Variants in FANK1 observed in about 807,000 individuals in gnomAD.
FANK1 encodes fibronectin type 3 and ankyrin repeat domains protein 1.
Under a neutral mutation model 45.3 loss-of-function variants are expected in FANK1, and 44 were observed. That is an observed-to-expected ratio of 0.97 (90% confidence interval 0.76 to 1.25). The LOEUF is 1.25. Among genes scored for constraint, FANK1 ranks in the 50% most tolerant of loss-of-function variants. The probability of loss-of-function intolerance (pLI) is 0.00; values close to 1 mark genes in which losing one functional copy is unlikely to be tolerated. For missense variants in FANK1, 391 were observed against 424.4 expected (o/e 0.92, Z 0.69); for synonymous variants, 149 against 152.5 (o/e 0.98, Z 0.17).
intron 1 of FANK1, among the ~76,000 whole-genome samples, chr10:125,974,066 A>G (rs1053616454): frequency 6.6e-6 from 1 of 152,248 alleles, no homozygotes; most frequent in Non-Finnish European, 1.5e-5. Flanking sequence ...GATACTTTGT[A>G]ACTTAATTAT....
chr10:126,009,304 A>C (rs201693504), intron 10 of FANK1, 38 bp downstream of exon 10: 9 of 1,614,120 alleles, frequency 5.6e-6, no homozygotes, highest in African/African-American at 2.7e-5. Flanking sequence ...GCTAATTTTT[A>C]GTCCTTCTAG....
chr10:125,923,830 C>A (rs545301589), intron 1 of FANK1, among the ~76,000 whole-genome samples: 96 of 152,062 alleles, frequency 6.3e-4, no homozygotes, highest in Non-Finnish European at 1.2e-3. Flanking sequence ...TCTTGGCCTG[C>A]AAGTTATGAC....
intron 1 of FANK1, among the ~76,000 whole-genome samples, chr10:125,974,501 A>G (rs1388554559): frequency 2.0e-5 from 3 of 152,242 alleles, no homozygotes; most frequent in Non-Finnish European, 2.9e-5. Flanking sequence ...CCCAGCCTGT[A>G]AGAAACTTAA....
intron 1 of FANK1, among the ~76,000 whole-genome samples, chr10:125,931,898 A>C (rs1947776569): frequency 6.6e-6 from 1 of 152,190 alleles, no homozygotes. Flanking sequence ...GTAAGAGATA[A>C]GGATCCAGCT....
At chr10:125,985,068 G>T (rs188538981) in intron 2 of FANK1, among the ~76,000 whole-genome samples, 1 of 151,808 alleles carries the variant, frequency 6.6e-6, no homozygotes, top group East Asian at 1.9e-4. Context: ...TTTGACAAGC[G>T]TGCTTGGTAA....
At chr10:125,933,390 C>T (rs558773465) in intron 1 of FANK1, among the ~76,000 whole-genome samples, 2 of 152,080 alleles carry the variant, frequency 1.3e-5, no homozygotes, top group South Asian at 4.2e-4. Context: ...GGGATTTATC[C>T]GTCTTTTCTA....
chr10:126,008,665 G>A (rs1334741991), intron 8 of FANK1, 115 bp downstream of exon 8: 1 of 975,562 alleles, frequency 1.0e-6, no homozygotes, highest in African/African-American at 1.7e-5. Context: ...GGGTTTGACT[G>A]TGTGTGTGTG....
intron 1 of FANK1, among the ~76,000 whole-genome samples, chr10:125,931,989 G>T (rs917167664): frequency 2.6e-5 from 4 of 152,022 alleles, no homozygotes; most frequent in African/African-American, 9.7e-5. Flanking sequence ...TGTTTGGTTT[G>T]TTGAAGATCA....
chr10:125,954,545 T>C (rs1049877588), intron 1 of FANK1, among the ~76,000 whole-genome samples: 11 of 152,090 alleles, frequency 7.2e-5, no homozygotes, highest in African/African-American at 2.7e-4. Flanking sequence ...GAAGACCTAC[T>C]TGAAATCTCA....
At chr10:125,912,952 G>A (rs890017310) in intron 1 of FANK1, among the ~76,000 whole-genome samples, 2 of 152,228 alleles carry the variant, frequency 1.3e-5, no homozygotes, top group Non-Finnish European at 2.9e-5. Flanking sequence ...TAGCTTTAAT[G>A]TGAATCAGTG....
At chr10:125,907,422 G>C (rs955231254) in intron 1 of FANK1, 1 of 865,158 alleles carries the variant, frequency 1.2e-6, no homozygotes, top group African/African-American at 1.8e-5. Context: ...TCAATGTCCT[G>C]GTGTTGTACT....
intron 1 of FANK1, among the ~76,000 whole-genome samples, chr10:125,904,114 G>A (rs1945281607): frequency 1.3e-5 from 2 of 152,006 alleles, no homozygotes; most frequent in Admixed American, 6.6e-5. Context: ...TTGTTAGACA[G>A]GGCCTCAGTG....
intron 1 of FANK1, among the ~76,000 whole-genome samples, chr10:125,965,782 A>G (rs1950173517): frequency 6.6e-6 from 1 of 152,248 alleles, no homozygotes; most frequent in South Asian, 2.1e-4. Context: ...AGTAAAGGAA[A>G]TATCTTGGGA....
At chr10:125,991,736 A>G (rs183426479) in intron 3 of FANK1, among the ~76,000 whole-genome samples, 162 of 152,330 alleles carry the variant, frequency 1.1e-3, no homozygotes, top group African/African-American at 3.8e-3. Flanking sequence ...AACAGCTGCT[A>G]CTTGTTAATT....
intron 1 of FANK1, among the ~76,000 whole-genome samples, chr10:125,962,160 T>C (rs1949967517): frequency 6.6e-6 from 1 of 152,174 alleles, no homozygotes; most frequent in Non-Finnish European, 1.5e-5. Flanking sequence ...CTGAATACTT[T>C]AAAGGCATCT....
chr10:126,005,188 C>T, intron 7 of FANK1, 139 bp downstream of exon 7: 1 of 941,540 alleles, frequency 1.1e-6, no homozygotes, highest in African/African-American at 1.7e-5. Context: ...GCAAGAAAGC[C>T]CCTGAAACCT....
chr10:125,984,088 A>G (rs1234318625), intron 2 of FANK1, among the ~76,000 whole-genome samples: 1 of 152,148 alleles, frequency 6.6e-6, no homozygotes, highest in African/African-American at 2.4e-5. Flanking sequence ...GTCAAGGGAT[A>G]TGTGGTAGCC....
At chr10:125,903,819 T>C (rs573489458) in intron 1 of FANK1, among the ~76,000 whole-genome samples, 1 of 152,060 alleles carries the variant, frequency 6.6e-6, no homozygotes, top group African/African-American at 2.4e-5. Flanking sequence ...TCTCTCTCTA[T>C]ATATAAATAT....
At chr10:125,944,040 TATTTC>T (rs367930030) in intron 1 of FANK1, among the ~76,000 whole-genome samples, 16 of 152,256 alleles carry the variant, frequency 1.1e-4, no homozygotes, top group African/African-American at 3.1e-4. Flanking sequence ...GCTCAGAACT[TATTTC>T]ATTCTGTTGA....
Sources: gnomAD v4.1 joint callset for allele counts (sites outside exome capture counted in the v4.1 genomes callset) on GRCh38, gnomAD v4.1.1 for gene constraint, MANE v1.5 for transcripts, NCBI Gene and HGNC (gene_info 2026-07-23, HGNC 2026-07-21) for gene names.